SMPD3: variants seen among roughly 807,000 people sequenced by gnomAD.
SMPD3 encodes the protein nSMase-2.
In SMPD3, 21 loss-of-function variants were observed where a neutral mutation model predicts 55.7. The ratio of observed to expected loss-of-function variants is 0.38; its 90% confidence interval spans 0.27 to 0.54. The LOEUF (loss-of-function observed/expected upper bound fraction) is 0.54. Among genes scored for constraint, SMPD3 ranks in the 20% least tolerant of loss-of-function variants. The pLI is 0.80. For missense variants in SMPD3, 842 were observed against 899.6 expected, an observed-to-expected ratio of 0.94 and a Z score of 0.82; for synonymous variants, 457 against 404.3, an observed-to-expected ratio of 1.13 and a Z score of -1.56.
At position 68,363,577 on chromosome 16, in the gene SMPD3, G is replaced by A. The variant is rs74955399; in HGVS notation, c.1646-18C>T. 4.2e-3 allele frequency: 6,841 copies of A among 1,610,550 alleles called. 283 individuals carry two copies. The African/African-American group carries it at 0.079, about 19-fold the overall frequency. On this transcript the variant is annotated intron_variant, in intron 6 of 8. Coordinates refer to ENST00000219334, the MANE Select transcript of SMPD3 (RefSeq NM_018667.4). ...CAGAGTACCTGGGGGGGACGAGGGG[G>A]TGACAGTGGTCGCTGCAGGCAGGGC...
At chr16:68,429,446 G>A (rs988909718) in intron 1 of SMPD3, among the ~76,000 whole-genome samples, 2 of 152,226 alleles carry the variant, frequency 1.3e-5, no homozygotes, top group African/African-American at 4.8e-5. Flanking sequence ...TCCTGAGAAG[G>A]ATCTGGGTAG....
In SMPD3 at chr16:68,360,239, CAGAA is replaced by C. The variant is rs1432131952; in HGVS notation, c.*963_*966del. On this transcript the variant is annotated 3_prime_UTR_variant, in exon 9 of 9. Coordinates refer to ENST00000219334, the MANE Select transcript of SMPD3 (RefSeq NM_018667.4). Reference sequence around the variant, plus strand: ...GGTGTCCCGTGGGGGAGAGGATTGGCAGAAAGAAGAGGATGTGTTGGTTTTGATA... The same window carrying C: ...GGTGTCCCGTGGGGGAGAGGATTGGCAGAAGAGGATGTGTTGGTTTTGATA... The C allele has an allele frequency of 1.3e-5, 2 of 152,430 alleles. No individual in the cohort carries two copies. The highest frequency in any genetic ancestry group is 4.8e-5 in the African/African-American group (2 of 41,438). The allele number at this position is 152,430 out of a possible 1,614,324, so 9.4% of individuals were successfully genotyped here. A position where few individuals can be genotyped will look rare whatever the true frequency, so the allele number is the denominator to read the frequency against.
In SMPD3 at chr16:68,361,641, G is replaced by A. The variant is rs2089274322; in HGVS notation, c.1828C>T (p.Leu610=). The change falls in exon 8 of 9, where the codon CTG becomes TTG. Residue 610 remains leucine (L), a synonymous_variant. Coordinates refer to ENST00000219334, the MANE Select transcript of SMPD3 (RefSeq NM_018667.4). ...KGNGRRIDYM[L]HAEEGLCPDW... The stretch of plus-strand genomic sequence containing the variant: ...GGGCACAGCCCCTCCTCTGCATGCA[G>A]CATGTAGTCGATGCGCCGGCCGTTG... 2 of 1,611,272 alleles carry A rather than the reference G, an allele frequency of 1.2e-6. No individual in the cohort carries two copies. The highest frequency in any genetic ancestry group is 1.7e-6 in the Non-Finnish European group (2 of 1,179,968).
Position 68,372,240 on chromosome 16 carries a change from C to T in SMPD3, c.-59G>A, listed in dbSNP as rs758332845. The stretch of plus-strand genomic sequence containing the variant: ...ACATGGTGTCCGTGGCAGCTGCGGG[C>T]ACTTTCCTGGGCGAGGGTGGGCGAG... On this transcript the variant is annotated 5_prime_UTR_variant, in exon 3 of 9. Transcript: ENST00000219334. The T allele has an allele frequency of 1.4e-5, 22 of 1,580,474 alleles. No homozygotes were observed. Among genetic ancestry groups the T allele is most frequent in the Non-Finnish European group, 2.6e-6 (3 of 1,164,728 alleles).
intron 1 of SMPD3, among the ~76,000 whole-genome samples, chr16:68,442,915 G>T (rs2090578884): frequency 6.6e-6 from 1 of 152,180 alleles, no homozygotes; most frequent in Admixed American, 6.5e-5. Flanking sequence ...TTTCATCAGA[G>T]CTCTGCGAAG....
Position 68,358,860 on chromosome 16 carries a change from C to CATT in SMPD3, c.*2345_*2346insAAT. ...TAAAAAATCAGTGGAAGGGCCTGGC[C>CATT]TGCACACAAGGCCCGGGAGTCCATA... On this transcript the variant is annotated 3_prime_UTR_variant, in exon 9 of 9. Coordinates refer to ENST00000219334, the MANE Select transcript of SMPD3 (RefSeq NM_018667.4). 1 of 152,534 alleles carries CATT rather than the reference C, an allele frequency of 6.6e-6. No individual in the cohort carries two copies. Among genetic ancestry groups the CATT allele is most frequent in the Non-Finnish European group, 1.5e-5 (1 of 68,060 alleles). 9.4% of individuals were successfully genotyped at this position (152,534 alleles called of 1,614,324 possible). A position where few individuals can be genotyped will look rare whatever the true frequency, so the allele number is the denominator to read the frequency against.
At chr16:68,438,025 C>A (rs2090537182) in intron 1 of SMPD3, among the ~76,000 whole-genome samples, 1 of 152,142 alleles carries the variant, frequency 6.6e-6, no homozygotes, top group Non-Finnish European at 1.5e-5. Context: ...GTGGAATTTG[C>A]AATGACCCCA....
chr16:68,409,059 G>C (rs1380945471), intron 1 of SMPD3, among the ~76,000 whole-genome samples: 1 of 152,180 alleles, frequency 6.6e-6, no homozygotes, highest in African/African-American at 2.4e-5. Context: ...TGTGTGTAGG[G>C]AGAGGACCCT....
chr16:68,424,398 G>A (rs925313330), intron 1 of SMPD3, among the ~76,000 whole-genome samples: 1 of 152,032 alleles, frequency 6.6e-6, no homozygotes, highest in African/African-American at 2.4e-5. Context: ...TGACTCCTGG[G>A]CACTGCCTGC....
rs771954538 is a variant in SMPD3 at position 68,371,660 on chromosome 16, G to C, written c.522C>G (p.Pro174=). 2 of 1,567,216 alleles carry C rather than the reference G, an allele frequency of 1.3e-6. No homozygotes were observed. Among genetic ancestry groups the C allele is most frequent in the Non-Finnish European group, 1.7e-6 (2 of 1,157,172 alleles). The stretch of plus-strand genomic sequence containing the variant: ...TAGCGGCGCTGATGGAGGTATTGGT[G>C]GGGGAGTCGATGTAAATTTTGATCT... ...RPQIKIYIDS[P]TNTSISAASF... Residue 174 remains proline, a synonymous_variant, in exon 3 of 9, where the codon CCC becomes CCG. Transcript: ENST00000219334.
intron 3 of SMPD3, chr16:68,367,442 TGCTG>T (rs2089517432): frequency 1.1e-4 from 1 of 9,320 alleles, no homozygotes; most frequent in African/African-American, 4.5e-3. Flanking sequence ...TGTCGTGCGC[TGCTG>T]TGCGCTGCTC....
chr16:68,397,849 C>T (rs1460262027), intron 1 of SMPD3, among the ~76,000 whole-genome samples: 2 of 152,194 alleles, frequency 1.3e-5, no homozygotes, highest in African/African-American at 4.8e-5. Flanking sequence ...CTACAGTGAG[C>T]CTCTATTGCT....
At chr16:68,368,642 GT>G (rs2089558107) in intron 3 of SMPD3, 2 of 153,352 alleles carry the variant, frequency 1.3e-5, no homozygotes, top group Admixed American at 1.3e-4. Flanking sequence ...GCTGAGTCTG[GT>G]TTGCGAGTGA....
intron 3 of SMPD3, chr16:68,369,472 C>G (rs566858811): frequency 6.9e-6 from 1 of 145,342 alleles, no homozygotes; most frequent in African/African-American, 2.5e-5. Context: ...GGGGAGGGCC[C>G]GGCCTCTGAG....
intron 1 of SMPD3, among the ~76,000 whole-genome samples, chr16:68,442,006 G>C (rs1334877428): frequency 6.6e-6 from 1 of 152,092 alleles, no homozygotes; most frequent in Non-Finnish European, 1.5e-5. Context: ...CCTCAAGCAA[G>C]CCTCCTGCCT....
At chr16:68,396,698 G>T (rs1229927855) in intron 1 of SMPD3, among the ~76,000 whole-genome samples, 1 of 152,194 alleles carries the variant, frequency 6.6e-6, no homozygotes, top group African/African-American at 2.4e-5. Context: ...TCCATCACCA[G>T]AAGGTTCGAT....
At chr16:68,402,444 C>A (rs755616993) in intron 1 of SMPD3, among the ~76,000 whole-genome samples, 8 of 152,150 alleles carry the variant, frequency 5.3e-5, no homozygotes, top group Non-Finnish European at 1.2e-4. Flanking sequence ...CTGTAGGAGT[C>A]CCACAGAGCA....
intron 3 of SMPD3, 84 bp downstream of exon 3, chr16:68,370,775 A>C: frequency 6.5e-7 from 1 of 1,538,072 alleles, no homozygotes; most frequent in South Asian, 1.2e-5. Context: ...CATGACGATG[A>C]GGACTCCCCG....
At chr16:68,363,905 C>T in intron 5 of SMPD3, 39 bp from the exon 6 acceptor site, 1 of 1,519,396 alleles carries the variant, frequency 6.6e-7, no homozygotes, top group Non-Finnish European at 8.9e-7. Context: ...CACCAGGGGG[C>T]TTTGCTGTCC....
Sources: gnomAD v4.1 joint callset for allele counts (sites outside exome capture counted in the v4.1 genomes callset) on GRCh38, gnomAD v4.1.1 for gene constraint, MANE v1.5 for transcripts, NCBI Gene and HGNC (gene_info 2026-07-23, HGNC 2026-07-21) for gene names.